Variants in C12orf54 observed in about 807,000 individuals in gnomAD.
The protein encoded by C12orf54 is chromosome 12 open reading frame 54.
A neutral mutation model predicts 26.4 loss-of-function variants in C12orf54; 24 were observed. The observed-to-expected ratio is 0.91, with a 90% CI of 0.66 to 1.28. The LOEUF (loss-of-function observed/expected upper bound fraction) is 1.28. C12orf54 is among the 50% of genes most tolerant of loss of function. The pLI, the probability that C12orf54 is intolerant of heterozygous loss-of-function variation, is 0.00. For synonymous variants in C12orf54, 54 were observed against 47.0 expected (o/e 1.15, Z -0.61); for missense variants, 154 against 150.9 (o/e 1.02, Z -0.11).
the C12orf54 span, among the ~76,000 whole-genome samples, chr12:48,426,809 G>C: frequency 6.6e-6 from 1 of 152,066 alleles, no homozygotes; most frequent in Non-Finnish European, 1.5e-5. Context: ...TCCCTGGTTA[G>C]TTATATTCCT....
upstream of C12orf54, among the ~76,000 whole-genome samples, chr12:48,477,982 G>A (rs577416722): frequency 1.1e-3 from 174 of 152,226 alleles, no homozygotes; most frequent in Non-Finnish European, 1.9e-3. Flanking sequence ...GATGAACATT[G>A]ATGCAAAAAT....
the C12orf54 span, among the ~76,000 whole-genome samples, chr12:48,416,721 G>C: frequency 6.6e-6 from 1 of 152,040 alleles, no homozygotes; most frequent in South Asian, 2.1e-4. Context: ...AATTAGCTGG[G>C]CATGGTGGCG....
At chr12:48,484,633 G>A (rs557924281) in intron 2 of C12orf54, among the ~76,000 whole-genome samples, 14 of 152,284 alleles carry the variant, frequency 9.2e-5, no homozygotes, top group African/African-American at 3.4e-4. Flanking sequence ...TTTTATAGGT[G>A]AGGAAACAAG....
At chr12:48,488,310 A>C (rs1354353584) in intron 4 of C12orf54, 6 of 548,348 alleles carry the variant, frequency 1.1e-5, no homozygotes, top group Admixed American at 2.4e-5. Context: ...AGGGGAAGCC[A>C]ACAGAGATAC....
At chr12:48,454,821 C>T in the C12orf54 span, among the ~76,000 whole-genome samples, 6 of 152,264 alleles carry the variant, frequency 3.9e-5, no homozygotes, top group South Asian at 6.2e-4. Flanking sequence ...CTAGGGAAGG[C>T]ATTAGAATAA....
the C12orf54 span, among the ~76,000 whole-genome samples, chr12:48,445,291 G>A: frequency 2.6e-4 from 39 of 151,986 alleles, no homozygotes; most frequent in East Asian, 7.6e-3. Flanking sequence ...GGAGCCAGTC[G>A]AGGATTTTAG....
the C12orf54 span, among the ~76,000 whole-genome samples, chr12:48,416,309 G>A: frequency 6.6e-6 from 1 of 152,148 alleles, no homozygotes; most frequent in African/African-American, 2.4e-5. Context: ...TCTGACTGCG[G>A]ACAGCCTTTT....
the C12orf54 span, among the ~76,000 whole-genome samples, chr12:48,423,364 G>T: frequency 6.6e-6 from 1 of 151,978 alleles, no homozygotes; most frequent in African/African-American, 2.4e-5. Context: ...AATACTACAG[G>T]AAAGAGATAA....
chr12:48,487,631 T>A (rs1386876471), intron 4 of C12orf54, among the ~76,000 whole-genome samples: 1 of 152,160 alleles, frequency 6.6e-6, no homozygotes, highest in African/African-American at 2.4e-5. Context: ...CAGGCACTTA[T>A]AACAAAGAGT....
At chr12:48,428,253 C>A in the C12orf54 span, among the ~76,000 whole-genome samples, 1 of 151,650 alleles carries the variant, frequency 6.6e-6, no homozygotes, top group African/African-American at 2.4e-5. Flanking sequence ...TAAGGTCACA[C>A]CTCAAGGAAC....
chr12:48,489,045 C>T, intron 5 of C12orf54, 89 bp downstream of exon 5: 1 of 1,240,620 alleles, frequency 8.1e-7, no homozygotes, highest in Non-Finnish European at 1.2e-6. Flanking sequence ...GATGTTGCCT[C>T]TGACCAAGGT....
intron 7 of C12orf54, among the ~76,000 whole-genome samples, 189 bp from the exon 8 acceptor site, chr12:48,494,609 G>GC (rs1937869740): frequency 6.6e-6 from 1 of 152,052 alleles, no homozygotes; most frequent in South Asian, 2.1e-4. Flanking sequence ...ATCTCCTAAA[G>GC]CCCACCCAAC....
the C12orf54 span, among the ~76,000 whole-genome samples, chr12:48,473,955 T>C: frequency 2.0e-5 from 3 of 152,228 alleles, no homozygotes; most frequent in African/African-American, 7.2e-5. Flanking sequence ...TCCCCATCTC[T>C]CATCCCTTTT....
chr12:48,461,220 A>G, the C12orf54 span, among the ~76,000 whole-genome samples: 3 of 152,024 alleles, frequency 2.0e-5, no homozygotes, highest in Admixed American at 1.3e-4. Flanking sequence ...TAAAAAAAGC[A>G]TCTGTGCATC....
the C12orf54 span, among the ~76,000 whole-genome samples, chr12:48,427,522 A>G: frequency 2.6e-5 from 4 of 152,136 alleles, no homozygotes; most frequent in Non-Finnish European, 4.4e-5. Flanking sequence ...CATCAAGGAT[A>G]TTGACCTGAA....
At chr12:48,453,210 C>A in the C12orf54 span, among the ~76,000 whole-genome samples, 3 of 152,058 alleles carry the variant, frequency 2.0e-5, no homozygotes, top group Non-Finnish European at 4.4e-5. Context: ...AGCTGGAGAC[C>A]ATTATCCTTA....
chr12:48,495,381 A>G (rs910370709), intron 8 of C12orf54, among the ~76,000 whole-genome samples: 12 of 152,150 alleles, frequency 7.9e-5, no homozygotes, highest in Non-Finnish European at 4.4e-5. Context: ...TGCTCTAGAA[A>G]CTTGCACTAC....
At chr12:48,475,728 A>G in the C12orf54 span, among the ~76,000 whole-genome samples, 3 of 152,234 alleles carry the variant, frequency 2.0e-5, no homozygotes, top group African/African-American at 4.8e-5. Context: ...CAAAGCCTCC[A>G]AGAAATATGG....
At chr12:48,416,681 G>C in the C12orf54 span, among the ~76,000 whole-genome samples, 6 of 152,036 alleles carry the variant, frequency 3.9e-5, no homozygotes, top group Non-Finnish European at 7.4e-5. Context: ...GGCCAACATG[G>C]TGAAACCCCA....
Sources: gnomAD v4.1 joint callset for allele counts (sites outside exome capture counted in the v4.1 genomes callset) on GRCh38, gnomAD v4.1.1 for gene constraint, MANE v1.5 for transcripts, NCBI Gene and HGNC (gene_info 2026-07-23, HGNC 2026-07-21) for gene names.